EEIG2: variants seen among roughly 807,000 people sequenced by gnomAD.
EEIG2 encodes family with sequence similarity 102 member B.
At chr1:108,585,480 T>C in the EEIG2 span, among the ~76,000 whole-genome samples, 6 of 152,130 alleles carry the variant, frequency 3.9e-5, no homozygotes, top group Admixed American at 6.6e-5. Flanking sequence ...ACATGAAATC[T>C]GTTTACACTG....
chr1:108,611,232 A>G, the EEIG2 span, among the ~76,000 whole-genome samples: 1 of 152,222 alleles, frequency 6.6e-6, no homozygotes, highest in Non-Finnish European at 1.5e-5. Flanking sequence ...TTTGAAATGT[A>G]TAATACTTTT....
chr1:108,635,363 GTGCCTTGGAAGCACCT>G, the EEIG2 span: 12,937 of 564,562 alleles, frequency 0.023, 209 homozygotes, highest in Admixed American at 0.032. Context: ...GTGCCACTGT[GTGCCTTGGAAGCACCT>G]GGCTTCTGTG....
the EEIG2 span, among the ~76,000 whole-genome samples, chr1:108,561,867 T>C: frequency 2.0e-5 from 3 of 152,140 alleles, no homozygotes; most frequent in South Asian, 2.1e-4. Context: ...GCCTAGACTG[T>C]TTTGCTGCAG....
At chr1:108,611,658 C>T in the EEIG2 span, among the ~76,000 whole-genome samples, 1 of 152,232 alleles carries the variant, frequency 6.6e-6, no homozygotes, top group Non-Finnish European at 1.5e-5. Flanking sequence ...ACTTAAGTCA[C>T]TCCAGTTCTT....
the EEIG2 span, chr1:108,629,729 T>C: frequency 8.4e-7 from 1 of 1,186,746 alleles, no homozygotes; most frequent in Non-Finnish European, 1.2e-6. Flanking sequence ...TAGAGGATGA[T>C]GGTTGCAAAG....
At chr1:108,576,783 A>G in the EEIG2 span, among the ~76,000 whole-genome samples, 1 of 150,766 alleles carries the variant, frequency 6.6e-6, no homozygotes. Flanking sequence ...TTATAGCAGC[A>G]TGATTTATAG....
the EEIG2 span, among the ~76,000 whole-genome samples, chr1:108,615,546 G>A: frequency 6.6e-6 from 1 of 151,984 alleles, no homozygotes; most frequent in Non-Finnish European, 1.5e-5. Flanking sequence ...AGGCCAAGGG[G>A]TAGGATCACT....
the EEIG2 span, among the ~76,000 whole-genome samples, chr1:108,632,817 T>C: frequency 6.6e-6 from 1 of 152,148 alleles, no homozygotes; most frequent in Non-Finnish European, 1.5e-5. Flanking sequence ...AATTTTTTTT[T>C]CTAAGAGATA....
the EEIG2 span, among the ~76,000 whole-genome samples, chr1:108,623,917 C>A: frequency 6.6e-6 from 1 of 152,098 alleles, no homozygotes; most frequent in Admixed American, 6.5e-5. Flanking sequence ...GGTGATCCAC[C>A]CGCCTTGGCC....
At chr1:108,632,837 C>T in the EEIG2 span, among the ~76,000 whole-genome samples, 4 of 152,144 alleles carry the variant, frequency 2.6e-5, no homozygotes, top group East Asian at 7.7e-4. Flanking sequence ...AGGGTCTCAC[C>T]CTGTCACCCA....
chr1:108,586,055 T>TGG, the EEIG2 span, among the ~76,000 whole-genome samples: 1 of 152,102 alleles, frequency 6.6e-6, no homozygotes, highest in African/African-American at 2.4e-5. Context: ...ACTTTCATAA[T>TGG]ATGTAGCAGT....
At chr1:108,560,290 C>T in the EEIG2 span, 2 of 515,326 alleles carry the variant, frequency 3.9e-6, no homozygotes, top group African/African-American at 2.1e-5. Flanking sequence ...CGGCCGCGGC[C>T]GGCCTGCGGC....
chr1:108,618,757 A>G, the EEIG2 span, among the ~76,000 whole-genome samples: 1 of 151,490 alleles, frequency 6.6e-6, no homozygotes, highest in Non-Finnish European at 1.5e-5. Flanking sequence ...GGATTGCTTG[A>G]GCCTGGGAAG....
the EEIG2 span, among the ~76,000 whole-genome samples, chr1:108,620,114 T>C: frequency 1.3e-5 from 2 of 152,188 alleles, no homozygotes; most frequent in Admixed American, 1.3e-4. Flanking sequence ...GTGACTTTAC[T>C]CAGTATCTTT....
At chr1:108,607,133 A>C in the EEIG2 span, among the ~76,000 whole-genome samples, 1 of 152,226 alleles carries the variant, frequency 6.6e-6, no homozygotes, top group African/African-American at 2.4e-5. Context: ...TGGTCAATCC[A>C]CTGACTGAAG....
chr1:108,582,028 C>A, the EEIG2 span, among the ~76,000 whole-genome samples: 1 of 152,138 alleles, frequency 6.6e-6, no homozygotes, highest in African/African-American at 2.4e-5. Flanking sequence ...AACCACCACC[C>A]TGTCAGTCAG....
chr1:108,577,126 C>T, the EEIG2 span, among the ~76,000 whole-genome samples: 8 of 106,434 alleles, frequency 7.5e-5, no homozygotes, highest in African/African-American at 2.8e-4. Context: ...TGTCCTTCGC[C>T]CACTTTTTGA....
the EEIG2 span, among the ~76,000 whole-genome samples, chr1:108,609,050 T>TG: frequency 1.2e-4 from 19 of 152,312 alleles, 2 homozygotes; most frequent in African/African-American, 4.3e-4. Flanking sequence ...ACCACCCTTT[T>TG]GGGGGTTAGG....
At chr1:108,560,382 G>C in the EEIG2 span, 9 of 1,480,094 alleles carry the variant, frequency 6.1e-6, no homozygotes, top group South Asian at 9.6e-5. Flanking sequence ...AAGCTGAGGC[G>C]GCGGCGCCCG....
Sources: allele counts gnomAD v4.1 joint callset (sites outside exome capture counted in the v4.1 genomes callset), GRCh38; gene constraint gnomAD v4.1.1; transcripts MANE v1.5; gene names NCBI Gene and HGNC (gene_info 2026-07-23, HGNC 2026-07-21).